The following DDX27 variants were observed in gnomAD, a reference collection of about 807,000 sequenced individuals.
The protein encoded by DDX27 is probable ATP-dependent RNA helicase DDX27.
DDX27 carries 42 observed loss-of-function variants against 99.3 expected under a neutral mutation model. The ratio of observed to expected loss-of-function variants is 0.42; its 90% CI spans 0.33 to 0.55. DDX27 has a LOEUF of 0.55. Ranked by LOEUF, DDX27 falls within the 20% of genes least tolerant of loss-of-function variation. The pLI is 0.07. For synonymous variants in DDX27, 329 were observed against 353.8 expected, an observed-to-expected ratio of 0.93 and a Z score of 0.79; for missense variants, 798 against 976.8, an observed-to-expected ratio of 0.82 and a Z score of 2.44.
Position 49,242,142 on chromosome 20 carries a change from G to A in DDX27, c.2052G>A (p.Ala684=), listed in dbSNP as rs61736447. 1,880 of 1,614,188 alleles carry A rather than the reference G, an allele frequency of 1.2e-3. 21 individuals carry two copies. In the African/African-American group the frequency reaches 0.022, roughly 19 times the overall value. Residue 684 remains alanine (A), a synonymous_variant, in exon 18 of 21, where the codon GCG becomes GCA. Transcript: ENST00000618172. ...LKAQMFAERL[A]KRNRRAKRAR... ...CGCAGATGTTTGCTGAACGGCTAGC[G>A]AAGAGGAATCGCAGAGCCAAGCGGG... is the stretch of plus-strand genomic sequence containing the variant.
In DDX27 at chr20:49,235,035, G is replaced by A; in HGVS notation, c.1374G>A (p.Gln458=). 6.2e-7 allele frequency: 1 copy of A among 1,613,556 alleles called. No homozygotes were observed. ...MHILLGLMGL[Q]VGELHGNLSQ... is the part of the protein sequence containing the mutation. Reference sequence around the variant, plus strand: ...TCCTCCTGGGGCTCATGGGGCTGCAGGTGGGTGAGCTCCATGGCAACTTGT... The same window carrying A: ...TCCTCCTGGGGCTCATGGGGCTGCAAGTGGGTGAGCTCCATGGCAACTTGT... Residue 458 remains glutamine, a synonymous_variant, in exon 12 of 21, where the codon CAG becomes CAA. Transcript: ENST00000618172.
chr20:49,243,526 C>T (rs1402209115), intron 19 of DDX27, 103 bp from the exon 20 acceptor site: 1 of 993,560 alleles, frequency 1.0e-6, no homozygotes, highest in Non-Finnish European at 1.6e-6. Context: ...TGATGCATCC[C>T]AGAGATGCTA....
Position 49,239,073 on chromosome 20 carries a change from G to T in DDX27, c.1794+18G>T, listed in dbSNP as rs374866438. 56 of 1,603,322 alleles carry T rather than the reference G, an allele frequency of 3.5e-5. No homozygotes were observed. Among genetic ancestry groups the T allele is most frequent in the Non-Finnish European group, 4.4e-5 (52 of 1,170,356 alleles). On this transcript the variant is annotated intron_variant, in intron 15 of 20. Transcript: ENST00000618172. ...AAGCCCAGGTGAGGCTGCGAGGCGG[G>T]ATCTTGTTCACAAGGCTGCTCAGTA... is the stretch of plus-strand genomic sequence containing the variant.
At chr20:49,239,748 C>G (rs1053785421) in intron 16 of DDX27, among the ~76,000 whole-genome samples, 1 of 152,076 alleles carries the variant, frequency 6.6e-6, no homozygotes, top group South Asian at 2.1e-4. Flanking sequence ...AACAGGGACT[C>G]AAACAGATAC....
At position 49,236,358 on chromosome 20, in the gene DDX27, C is replaced by T; in HGVS notation, c.1535C>T (p.Thr512Ile). 1 of 1,603,264 alleles carries T rather than the reference C, an allele frequency of 6.2e-7. No individual in the cohort carries two copies. The highest frequency in any genetic ancestry group is 8.5e-7 in the Non-Finnish European group (1 of 1,174,292). Residue 512 changes from threonine to isoleucine, a missense_variant, in exon 14 of 21, where the codon ACC (threonine) becomes ATC (isoleucine). This residue lies in a region of DDX27 where 553 missense variants were observed against 727.9 expected (regional missense o/e 0.76). Transcript: ENST00000618172. The surrounding 1 kb of genome is among the most constrained non-coding windows in gnomAD (Gnocchi z 4.1). Reference protein sequence around the residue: ...KTVINFTMPNTIKHYVHRVGR... With the variant: ...KTVINFTMPNIIKHYVHRVGR... ...GTAATCAACTTCACAATGCCTAATA[C>T]CATCAAACATTATGTCCACCGGGTG...
At chr20:49,242,823 G>A in intron 19 of DDX27, 142 bp downstream of exon 19, 1 of 768,342 alleles carries the variant, frequency 1.3e-6, no homozygotes, top group South Asian at 1.8e-5. Context: ...CTGGGTTCAA[G>A]CAATTCTCCT....
At chr20:49,242,431 A>G (rs757764479) in intron 18 of DDX27, among the ~76,000 whole-genome samples, 163 bp from the exon 19 acceptor site, 2 of 152,154 alleles carry the variant, frequency 1.3e-5, no homozygotes, top group Admixed American at 1.3e-4. Context: ...CCGGAGCCTA[A>G]GGCCTCACCA....
chr20:49,240,171 A>G (rs1395878346), intron 16 of DDX27, among the ~76,000 whole-genome samples: 1 of 152,222 alleles, frequency 6.6e-6, no homozygotes, highest in Non-Finnish European at 1.5e-5. Flanking sequence ...TGGTTGTACA[A>G]TGTTGTGAAT....
At chr20:49,226,292 G>T in intron 6 of DDX27, 138 bp from the exon 7 acceptor site, 1 of 589,220 alleles carries the variant, frequency 1.7e-6, no homozygotes. Context: ...ACACATAGTA[G>T]GCGTTCAGTG....
In DDX27 at chr20:49,236,925, T is replaced by C. The variant is rs1980328155; in HGVS notation, c.1687+415T>C. 6.6e-6 allele frequency among the ~76,000 whole-genome samples: 1 copy of C among 152,188 alleles called. No homozygotes were observed. Among genetic ancestry groups the C allele is most frequent in the Non-Finnish European group, 1.5e-5 (1 of 68,024 alleles). On this transcript the variant is annotated intron_variant, in intron 14 of 20. Coordinates refer to ENST00000618172, the MANE Select transcript of DDX27 (RefSeq NM_017895.8). This position sits in a 1 kb window ranked among gnomAD's most constrained non-coding sequence, Gnocchi z 4.1. The stretch of plus-strand genomic sequence containing the variant: ...TTTAAAGTCTTTTTTTGTTTTGTTT[T>C]GTTCTTGAATTCCTAGGCTCAAGCA...
intron 20 of DDX27, 51 bp from the exon 21 acceptor site, chr20:49,243,765 A>G (rs182690371): frequency 6.2e-7 from 1 of 1,614,142 alleles, no homozygotes; most frequent in Admixed American, 1.7e-5. Context: ...CCTTTCATGG[A>G]AAAGAAGCTT....
At chr20:49,239,082 C>T (rs1040908358) in intron 15 of DDX27, 27 bp downstream of exon 15, 12 of 1,588,358 alleles carry the variant, frequency 7.6e-6, no homozygotes, top group Admixed American at 3.3e-5. Context: ...GGATCTTGTT[C>T]ACAAGGCTGC....
chr20:49,237,552 G>C (rs1182019264), intron 14 of DDX27, among the ~76,000 whole-genome samples: 1 of 152,090 alleles, frequency 6.6e-6, no homozygotes, highest in Non-Finnish European at 1.5e-5. Context: ...TATTGATTCT[G>C]TTCTAGGTGC....
In DDX27 at chr20:49,230,216, T is replaced by G. The variant is rs1404570376; in HGVS notation, c.898T>G (p.Ser300Ala). The change falls in exon 9 of 21, where the codon TCT becomes GCT. Residue 300 changes from serine (S) to alanine (A), a missense_variant. Coordinates refer to ENST00000618172, the MANE Select transcript of DDX27 (RefSeq NM_017895.8). ...CTTTGCAGGCGGCTTGGATGTGAAG[T>G]CTCAGGAAGCAGCTCTTCGGGCAGC... is the stretch of plus-strand genomic sequence containing the variant. ...CLAVGGLDVK[S>A]QEAALRAAPD... 3 of 1,612,634 alleles carry G rather than the reference T, an allele frequency of 1.9e-6. No homozygotes were observed. In the East Asian group the frequency reaches 6.7e-5, roughly 36 times the overall value.
rs1431234156 is a variant in DDX27, at chr20:49,233,289, T to C, written c.1032-17T>C. On this transcript the variant is annotated splice_polypyrimidine_tract_variant and intron_variant, in intron 9 of 20. Coordinates refer to ENST00000618172, the MANE Select transcript of DDX27 (RefSeq NM_017895.8). Reference sequence around the variant, plus strand: ...GAGCACTCTCTCCATTTCTGCCATGTCTTTCTCTGCTCCCAGGATGCTGGA... The same window carrying C: ...GAGCACTCTCTCCATTTCTGCCATGCCTTTCTCTGCTCCCAGGATGCTGGA... 1 of 1,606,776 alleles carries C rather than the reference T, an allele frequency of 6.2e-7. No individual in the cohort carries two copies. The highest frequency in any genetic ancestry group is 8.5e-7 in the Non-Finnish European group (1 of 1,173,872).
chr20:49,227,253 G>A (rs974542291), intron 7 of DDX27, among the ~76,000 whole-genome samples: 2 of 152,176 alleles, frequency 1.3e-5, no homozygotes, highest in East Asian at 1.9e-4. Flanking sequence ...AGGGTCTCTC[G>A]AATCCTTCAT....
In DDX27 at chr20:49,235,004, T is replaced by G; in HGVS notation, c.1343T>G (p.Met448Arg). The G allele has an allele frequency of 6.2e-7, 1 of 1,613,710 alleles. No homozygotes were observed. Among genetic ancestry groups the G allele is most frequent in the Non-Finnish European group, 8.5e-7 (1 of 1,179,812 alleles). ...CAAACCAAGAAGCAGGCCCACCGCA[T>G]GCACATCCTCCTGGGGCTCATGGGG... ...FTQTKKQAHR[M>R]HILLGLMGLQ... The change falls in exon 12 of 21, where the codon ATG (methionine) becomes AGG (arginine). Residue 448 changes from methionine (M) to arginine (R), a missense_variant. Met to Arg is a moderately conservative substitution (Grantham distance 91). This residue lies in a region of DDX27 where 553 missense variants were observed against 727.9 expected (regional missense o/e 0.76). Transcript: ENST00000618172.
At chr20:49,226,885 C>T (rs1305005025) in intron 7 of DDX27, among the ~76,000 whole-genome samples, 5 of 12,020 alleles carry the variant, frequency 4.2e-4, no homozygotes, top group Non-Finnish European at 8.6e-4. Flanking sequence ...TTTTTTGAGA[C>T]GGAGTCTCGC....
intron 7 of DDX27, among the ~76,000 whole-genome samples, chr20:49,226,893 C>T (rs372141131): frequency 2.5e-4 from 24 of 95,596 alleles, no homozygotes; most frequent in South Asian, 1.8e-3. Flanking sequence ...GACGGAGTCT[C>T]GCTCTGTCGC....
Sources: allele counts gnomAD v4.1 joint callset (sites outside exome capture counted in the v4.1 genomes callset), GRCh38; gene constraint gnomAD v4.1.1; regional missense constraint gnomAD v4.1.1; non-coding constraint Gnocchi (gnomAD v3.1); transcripts MANE v1.5; gene names NCBI Gene and HGNC (gene_info 2026-07-23, HGNC 2026-07-21).